The following CFAP20DC variants were observed in gnomAD, a reference collection of about 807,000 sequenced individuals.
CFAP20DC encodes the protein protein CFAP20DC.
CFAP20DC carries 84 observed loss-of-function variants against 101.7 expected under a neutral mutation model. That is an observed-to-expected ratio of 0.83 (90% CI 0.69 to 0.99). The LOEUF (loss-of-function observed/expected upper bound fraction) is 0.99, where lower values mean the gene tolerates loss of function less well. Among genes scored for constraint, CFAP20DC ranks in the 50% least tolerant of loss-of-function variants. The pLI is 0.00. For synonymous variants in CFAP20DC, 359 were observed against 351.2 expected (o/e 1.02, Z -0.25); for missense variants, 1,007 against 970.3 (o/e 1.04, Z -0.50).
intron 4 of CFAP20DC, among the ~76,000 whole-genome samples, chr3:59,028,009 AG>A (rs2093923090): frequency 6.6e-6 from 1 of 152,240 alleles, no homozygotes; most frequent in Non-Finnish European, 1.5e-5. Context: ...AAAAGCAAGT[AG>A]GTCTTTTGTG....
At chr3:58,855,443 T>A (rs1032350492) in intron 12 of CFAP20DC, among the ~76,000 whole-genome samples, 1 of 152,064 alleles carries the variant, frequency 6.6e-6, no homozygotes, top group Non-Finnish European at 1.5e-5. Context: ...TCCTCAGGGA[T>A]CTAGAACTAG....
intron 5 of CFAP20DC, among the ~76,000 whole-genome samples, chr3:58,922,321 C>T (rs929046214): frequency 7.9e-5 from 12 of 152,056 alleles, no homozygotes; most frequent in African/African-American, 2.4e-4. Context: ...TTTAGCATTC[C>T]GTTAACCTCC....
In CFAP20DC at chr3:58,914,648, C is replaced by A. The variant is rs145101257; in HGVS notation, c.394-784G>T. ...GGCTCTTCCATTATTTGTTTAGAAG[C>A]AAGGTTTACATAAGGTCCTGTATAT... On this transcript the variant is annotated intron_variant, in intron 5 of 16. Transcript: ENST00000482387. The surrounding 1 kb of genome is among the most constrained non-coding windows in gnomAD (Gnocchi z 4.9). Among the ~76,000 whole-genome samples, 894 of 149,784 alleles carry A rather than the reference C, an allele frequency of 6.0e-3. 4 individuals are homozygous for A. Among genetic ancestry groups the A allele is most frequent in the Non-Finnish European group, 9.2e-3 (622 of 67,568 alleles).
intron 4 of CFAP20DC, among the ~76,000 whole-genome samples, chr3:58,982,703 G>T (rs1286812425): frequency 8.8e-6 from 1 of 113,726 alleles, no homozygotes; most frequent in African/African-American, 3.4e-5. Context: ...TTCGGAGACT[G>T]TTGTGGGGTG....
intron 14 of CFAP20DC, among the ~76,000 whole-genome samples, chr3:58,807,400 G>A (rs1414898053): frequency 5.9e-5 from 9 of 152,172 alleles, no homozygotes; most frequent in East Asian, 5.8e-4. Flanking sequence ...AGCAGCATTC[G>A]TGGTTCATGA....
intron 5 of CFAP20DC, among the ~76,000 whole-genome samples, chr3:58,934,160 T>C (rs1174608563): frequency 6.6e-6 from 1 of 152,116 alleles, no homozygotes; most frequent in East Asian, 1.9e-4. Flanking sequence ...GCAAATAAAC[T>C]AGAAAATTTA....
At position 58,804,657 on chromosome 3, in the gene CFAP20DC, C is replaced by T. The variant is rs75187204; in HGVS notation, c.2237+1738G>A. Among the ~76,000 whole-genome samples, 24 of 152,306 alleles carry T rather than the reference C, an allele frequency of 1.6e-4. No individual in the cohort carries two copies. The East Asian group carries it at 4.4e-3, about 28-fold the overall frequency. On this transcript the variant is annotated intron_variant, in intron 15 of 16. Transcript: ENST00000482387. ...GGATTATAGGCATGAGCCACCATGC[C>T]TGGCCCAAATTCTTAACTTGTTATA...
At chr3:58,855,438 A>C (rs1333431937) in intron 12 of CFAP20DC, among the ~76,000 whole-genome samples, 2 of 152,156 alleles carry the variant, frequency 1.3e-5, no homozygotes, top group Non-Finnish European at 2.9e-5. Context: ...GCGATTCCTC[A>C]GGGATCTAGA....
At chr3:58,951,735 C>T (rs1195952852) in intron 4 of CFAP20DC, among the ~76,000 whole-genome samples, 1 of 150,586 alleles carries the variant, frequency 6.6e-6, no homozygotes, top group Non-Finnish European at 1.5e-5. Context: ...GGAAGGGGAA[C>T]ATCACACACC....
At chr3:58,866,289 C>T (rs2079681347) in intron 11 of CFAP20DC, among the ~76,000 whole-genome samples, 1 of 152,166 alleles carries the variant, frequency 6.6e-6, no homozygotes, top group South Asian at 2.1e-4. Context: ...AACAACTGGT[C>T]ATCTTTGGGG....
chr3:58,849,027 C>A lies in CFAP20DC; in HGVS notation c.1971+5G>T. 1 of 1,534,640 alleles carries A rather than the reference C, an allele frequency of 6.5e-7. No individual in the cohort carries two copies. The highest frequency in any genetic ancestry group is 8.7e-7 in the Non-Finnish European group (1 of 1,146,354). ...GCATCTGTAAACCACACGGGAACCACTTACAGATGCTTCGGGGATCGAGCT... is the reference window on the plus strand; with the variant it reads ...GCATCTGTAAACCACACGGGAACCAATTACAGATGCTTCGGGGATCGAGCT... On this transcript the variant is annotated splice_donor_5th_base_variant and intron_variant, in intron 13 of 16. Coordinates refer to ENST00000482387, the MANE Select transcript of CFAP20DC (RefSeq NM_001394063.1).
chr3:58,897,435 T>G lies in CFAP20DC; in HGVS notation c.551-12726A>C, dbSNP rs1181015499. On this transcript the variant is annotated intron_variant, in intron 6 of 16. Coordinates refer to ENST00000482387, the MANE Select transcript of CFAP20DC (RefSeq NM_001394063.1). This position sits in a 1 kb window ranked among gnomAD's most constrained non-coding sequence, Gnocchi z 4.4. ...ATGATAGCTGGTTATTTTGCAGATT[T>G]GTTTATGTGGTTGCTTCAATGTTAC... Among the ~76,000 whole-genome samples, 1 of 152,196 alleles carries G rather than the reference T, an allele frequency of 6.6e-6. No individual in the cohort carries two copies. Among genetic ancestry groups the G allele is most frequent in the Non-Finnish European group, 1.5e-5 (1 of 68,034 alleles).
intron 15 of CFAP20DC, among the ~76,000 whole-genome samples, chr3:58,789,713 G>C (rs1159159144): frequency 1.3e-5 from 2 of 152,046 alleles, no homozygotes; most frequent in Admixed American, 6.6e-5. Context: ...GTGATAAATG[G>C]ATTTTTGAAC....
At chr3:58,826,884 A>T (rs1441885072) in intron 14 of CFAP20DC, among the ~76,000 whole-genome samples, 1 of 152,114 alleles carries the variant, frequency 6.6e-6, no homozygotes, top group Non-Finnish European at 1.5e-5. Flanking sequence ...GAAGCGAATA[A>T]TTCTGTTCAG....
chr3:58,953,862 C>T (rs1273288153), intron 4 of CFAP20DC: 1 of 152,122 alleles, frequency 6.6e-6, no homozygotes, highest in East Asian at 1.9e-4. Flanking sequence ...AGCATTACTC[C>T]TCTTGTACTT....
rs560613182 is a variant in CFAP20DC, at chr3:58,759,386, T to C, written c.2238-5523A>G. The stretch of plus-strand genomic sequence containing the variant: ...CTTCACCCACTTGTTGATGGGGTTG[T>C]TTTTTTCTTGTAAATTTGTTTGAGT... On this transcript the variant is annotated intron_variant, in intron 15 of 16. Coordinates refer to ENST00000482387, the MANE Select transcript of CFAP20DC (RefSeq NM_001394063.1). Among the ~76,000 whole-genome samples, 21 of 152,254 alleles carry C rather than the reference T, an allele frequency of 1.4e-4. 1 individual carries two copies. Among genetic ancestry groups the C allele is most frequent in the Admixed American group, 6.5e-4 (10 of 15,302 alleles).
chr3:58,844,739 C>A (rs1489055782), intron 13 of CFAP20DC, among the ~76,000 whole-genome samples: 1 of 132,828 alleles, frequency 7.5e-6, no homozygotes, highest in Admixed American at 7.4e-5. Context: ...ACACCTAGTC[C>A]AAAATTGACC....
intron 4 of CFAP20DC, among the ~76,000 whole-genome samples, chr3:58,948,667 G>C (rs1021102044): frequency 6.6e-6 from 1 of 152,172 alleles, no homozygotes; most frequent in African/African-American, 2.4e-5. Flanking sequence ...TAAGCTTTTT[G>C]ATGTGCTGCT....
Position 59,039,589 on chromosome 3 carries a change from T to G in CFAP20DC, c.246A>C (p.Val82=). The G allele has an allele frequency of 2.0e-6, 3 of 1,527,322 alleles. No individual in the cohort carries two copies. Among genetic ancestry groups the G allele is most frequent in the South Asian group, 1.2e-5 (1 of 82,960 alleles). 94.6% of individuals were successfully genotyped at this position (1,527,322 alleles called of 1,614,324 possible). A position where few individuals can be genotyped will look rare whatever the true frequency, so the allele number is the denominator to read the frequency against. Residue 82 remains valine, a synonymous_variant, in exon 4 of 17, where the codon GTA becomes GTC. Coordinates refer to ENST00000482387, the MANE Select transcript of CFAP20DC (RefSeq NM_001394063.1). ...CAGTGGAGAAGTCTTGTCCCAGGGG[T>G]ACGTAAATCTGAAGTACAAGAAACC... ...IQRFLVLQIY[V]PLGQDFSTEL...
Sources: allele counts gnomAD v4.1 joint callset (sites outside exome capture counted in the v4.1 genomes callset), GRCh38; gene constraint gnomAD v4.1.1; non-coding constraint Gnocchi (gnomAD v3.1); transcripts MANE v1.5; gene names NCBI Gene and HGNC (gene_info 2026-07-23, HGNC 2026-07-21).